Variants in FAM237A observed in about 807,000 individuals in gnomAD.
FAM237A encodes protein FAM237A.
FAM237A carries 14 observed loss-of-function variants against 12.5 expected under a neutral mutation model. The observed-to-expected ratio is 1.12, with a 90% CI of 0.74 to 1.75. The LOEUF (loss-of-function observed/expected upper bound fraction) is 1.75. FAM237A is among the 40% of genes most tolerant of loss of function. FAM237A has a pLI of 0.00. For missense variants in FAM237A, 240 were observed against 211.7 expected, an observed-to-expected ratio of 1.13 and a Z score of -0.83; for synonymous variants, 85 against 77.5, an observed-to-expected ratio of 1.10 and a Z score of -0.51.
chr2:206,643,044 T>A (rs1434308179), intron 1 of FAM237A, among the ~76,000 whole-genome samples: 1 of 152,378 alleles, frequency 6.6e-6, no homozygotes, highest in East Asian at 1.9e-4. Context: ...TTCTTCAATA[T>A]AGGAACATGC....
intron 2 of FAM237A, among the ~76,000 whole-genome samples, chr2:206,645,779 G>T (rs567456394): frequency 1.3e-5 from 2 of 152,086 alleles, no homozygotes; most frequent in Non-Finnish European, 2.9e-5. Context: ...TATTATTTTG[G>T]TAAGTGTTAT....
chr2:206,643,824 A>G (rs1416013436), intron 1 of FAM237A, among the ~76,000 whole-genome samples: 1 of 152,228 alleles, frequency 6.6e-6, no homozygotes, highest in Non-Finnish European at 1.5e-5. Context: ...AATTATATAT[A>G]AGTCCTAGAT....
intron 2 of FAM237A, among the ~76,000 whole-genome samples, chr2:206,646,509 C>A (rs1480152368): frequency 6.6e-6 from 1 of 152,120 alleles, no homozygotes; most frequent in African/African-American, 2.4e-5. Flanking sequence ...AAGTCACTTC[C>A]TTCGTCTTGC....
At chr2:206,647,674 G>T (rs1230443044) in intron 2 of FAM237A, among the ~76,000 whole-genome samples, 2 of 111,648 alleles carry the variant, frequency 1.8e-5, no homozygotes, top group Non-Finnish European at 4.0e-5. Context: ...CACAGAGAGA[G>T]TGTGTGTTAG....
intron 1 of FAM237A, among the ~76,000 whole-genome samples, chr2:206,643,157 ATATTCCAATATAAGAG>A (rs1574579469): frequency 1.3e-5 from 2 of 152,228 alleles, no homozygotes; most frequent in Admixed American, 1.3e-4. Flanking sequence ...TTATCATTAA[ATATTCCAATATAAGAG>A]TATTCCCACA....
chr2:206,648,201 A>G (rs934654623), intron 2 of FAM237A, among the ~76,000 whole-genome samples: 26 of 152,334 alleles, frequency 1.7e-4, no homozygotes, highest in African/African-American at 5.8e-4. Context: ...ATTCATTGCA[A>G]TATTATGTAT....
rs770801974 is a variant in FAM237A, at chr2:206,644,650, T to C, written c.412+2T>C. On this transcript the variant is annotated splice_donor_variant, in intron 2 of 2. Coordinates refer to ENST00000441223, the MANE Select transcript of FAM237A (RefSeq NM_001102659.3). LOFTEE classifies it high-confidence loss of function. ...CACAGCACACAAGGAGTAAACAAGG[T>C]GGTCAACCCCAGCTCCCATGTCTTT... 11 of 1,554,634 alleles carry C rather than the reference T, an allele frequency of 7.1e-6. No individual in the cohort carries two copies. Among genetic ancestry groups the C allele is most frequent in the Non-Finnish European group, 8.7e-6 (10 of 1,154,348 alleles).
Position 206,644,281 on chromosome 2 carries a change from C to G in FAM237A, c.45C>G (p.Ser15Arg), listed in dbSNP as rs781566817. Residue 15 changes from serine to arginine, a missense_variant, in exon 2 of 3, where the codon AGC (serine) becomes AGG (arginine). Coordinates refer to ENST00000441223, the MANE Select transcript of FAM237A (RefSeq NM_001102659.3). Reference sequence around the variant, plus strand: ...GAGGAGGGATCCACCGCCCCTTGAGCTTCACCTGCTCCCTGCTCATTGTGG... The same window carrying G: ...GAGGAGGGATCCACCGCCCCTTGAGGTTCACCTGCTCCCTGCTCATTGTGG... Reference protein sequence around the residue: ...GNRGGIHRPLSFTCSLLIVGM... With the variant: ...GNRGGIHRPLRFTCSLLIVGM... The G allele has an allele frequency of 6.2e-7, 1 of 1,612,072 alleles. No individual in the cohort carries two copies. The highest frequency in any genetic ancestry group is 8.5e-7 in the Non-Finnish European group (1 of 1,178,908).
intron 2 of FAM237A, among the ~76,000 whole-genome samples, chr2:206,648,407 T>A (rs947243345): frequency 3.3e-5 from 5 of 152,190 alleles, no homozygotes; most frequent in Non-Finnish European, 2.9e-5. Context: ...CAGGCAAATA[T>A]TTTAATGCCT....
intron 2 of FAM237A, among the ~76,000 whole-genome samples, chr2:206,647,029 C>T (rs2105882627): frequency 6.6e-6 from 1 of 152,270 alleles, no homozygotes; most frequent in South Asian, 2.1e-4. Context: ...AGTGTAAATG[C>T]AGTTGATAAA....
At chr2:206,643,142 T>C (rs1034213953) in intron 1 of FAM237A, among the ~76,000 whole-genome samples, 2 of 152,234 alleles carry the variant, frequency 1.3e-5, no homozygotes, top group African/African-American at 2.4e-5. Flanking sequence ...ATCCAACTTA[T>C]GGTGTTATCA....
intron 2 of FAM237A, 130 bp from the exon 3 acceptor site, chr2:206,648,531 C>T (rs1699345602): frequency 1.1e-6 from 1 of 900,158 alleles, no homozygotes; most frequent in African/African-American, 1.7e-5. Flanking sequence ...CCTCTGAAAT[C>T]AATTTATAGA....
intron 2 of FAM237A, 38 bp downstream of exon 2, chr2:206,644,686 A>G: frequency 6.7e-7 from 1 of 1,498,920 alleles, no homozygotes; most frequent in Non-Finnish European, 8.9e-7. Flanking sequence ...TGAAAGGGTC[A>G]ATCAAGTATG....
intron 2 of FAM237A, 28 bp from the exon 3 acceptor site, chr2:206,648,633 T>G: frequency 2.5e-6 from 4 of 1,570,220 alleles, no homozygotes; most frequent in Non-Finnish European, 3.4e-6. Context: ...TTTGGTGATC[T>G]TATGAAGTTC....
chr2:206,647,093 A>G (rs1449956544), intron 2 of FAM237A, among the ~76,000 whole-genome samples: 1 of 152,236 alleles, frequency 6.6e-6, no homozygotes, highest in South Asian at 2.1e-4. Context: ...GTAATTTTGC[A>G]TGTTAATATA....
At position 206,649,022 on chromosome 2, in the gene FAM237A, CA is replaced by C. The variant is rs1699353662; in HGVS notation, c.*229del. The C allele has an allele frequency of 3.9e-6, 1 of 253,964 alleles. No homozygotes were observed. The highest frequency in any genetic ancestry group is 2.3e-5 in the African/African-American group (1 of 43,450). The allele number at this position is 253,964 out of a possible 1,614,324, so 15.7% of individuals were successfully genotyped here. ...GTGACATTACTGCCAGTCTATCCCACAGTCTAAAGGAGTTAAATAACTTCCA... is the reference window on the plus strand; with the variant it reads ...GTGACATTACTGCCAGTCTATCCCACGTCTAAAGGAGTTAAATAACTTCCA... On this transcript the variant is annotated 3_prime_UTR_variant, in exon 3 of 3. Coordinates refer to ENST00000441223, the MANE Select transcript of FAM237A (RefSeq NM_001102659.3).
Position 206,644,500 on chromosome 2 carries a change from A to T in FAM237A, c.264A>T (p.Gly88=). 7 of 1,613,998 alleles carry T rather than the reference A, an allele frequency of 4.3e-6. No individual in the cohort carries two copies. The highest frequency in any genetic ancestry group is 5.9e-6 in the Non-Finnish European group (7 of 1,179,878). The change falls in exon 2 of 3, where the codon GGA becomes GGT. Residue 88 remains glycine, a synonymous_variant. Coordinates refer to ENST00000441223, the MANE Select transcript of FAM237A (RefSeq NM_001102659.3). ...AGTCATCTGAGAACTTGAAGCATGG[A>T]GCACTGTTTTGGGATCTGGCCCAAC... ...YLKSSENLKH[G]ALFWDLAQLF... is the part of the protein sequence containing the mutation.
At chr2:206,648,259 T>C (rs1197303914) in intron 2 of FAM237A, among the ~76,000 whole-genome samples, 2 of 152,214 alleles carry the variant, frequency 1.3e-5, no homozygotes, top group East Asian at 1.9e-4. Flanking sequence ...GATAGGGTAG[T>C]GGTTAAATAA....
At chr2:206,645,949 G>GT (rs113660378) in intron 2 of FAM237A, among the ~76,000 whole-genome samples, 6,236 of 147,228 alleles carry the variant, frequency 0.042, 430 homozygotes, top group African/African-American at 0.14. Context: ...ACAGACCATG[G>GT]TTTTTTTTTT....
Sources: allele counts gnomAD v4.1 joint callset (sites outside exome capture counted in the v4.1 genomes callset), GRCh38; gene constraint gnomAD v4.1.1; transcripts MANE v1.5; gene names NCBI Gene and HGNC (gene_info 2026-07-23, HGNC 2026-07-21).